GABRB2: variants seen among roughly 807,000 people sequenced by gnomAD.
GABRB2 encodes the protein gamma-aminobutyric acid receptor subunit beta-2.
Under a neutral mutation model 54.7 loss-of-function variants are expected in GABRB2, and 16 were observed. That is an observed-to-expected ratio of 0.29 (90% CI 0.20 to 0.44). The LOEUF (loss-of-function observed/expected upper bound fraction) is 0.44, where lower values mean the gene tolerates loss of function less well. GABRB2 is among the 20% of genes least tolerant of loss of function. The pLI, the probability that GABRB2 is intolerant of heterozygous loss-of-function variation, is 1.00. For missense variants in GABRB2, 355 were observed against 644.0 expected (o/e 0.55, Z 4.86); for synonymous variants, 244 against 233.8 (o/e 1.04, Z -0.40).
In GABRB2 at chr5:161,466,874, C is replaced by A. The variant is rs548483152; in HGVS notation, c.238-7030G>T. Among the ~76,000 whole-genome samples, 4 of 151,966 alleles carry A rather than the reference C, an allele frequency of 2.6e-5. No homozygotes were observed. The South Asian group carries it at 6.2e-4, about 24-fold the overall frequency. ...TTATCTATGGAGTTTTTCCTCTTTT[C>A]TTTTAAAGCATGGCTATGTATATGG... On this transcript the variant is annotated intron_variant, in intron 3 of 9. Coordinates refer to ENST00000393959, the MANE Select transcript of GABRB2 (RefSeq NM_001371727.1).
At chr5:161,548,060 T>A (rs1250758767), upstream of GABRB2, 1 of 152,862 alleles carries the variant, frequency 6.5e-6, no homozygotes, top group African/African-American at 2.4e-5. Context: ...GCCCCTCACC[T>A]CCGGAGGCAC....
At chr5:161,490,349 G>A (rs965067429) in intron 3 of GABRB2, among the ~76,000 whole-genome samples, 1 of 151,616 alleles carries the variant, frequency 6.6e-6, no homozygotes, top group Admixed American at 6.6e-5. Flanking sequence ...AGAATTCAGG[G>A]TTAGAGCCTG....
At chr5:161,539,218 T>C (rs1369636502) in intron 3 of GABRB2, among the ~76,000 whole-genome samples, 1 of 152,188 alleles carries the variant, frequency 6.6e-6, no homozygotes, top group Non-Finnish European at 1.5e-5. Flanking sequence ...AAATGCACTT[T>C]TCATCAAAGA....
intron 3 of GABRB2, among the ~76,000 whole-genome samples, chr5:161,477,360 A>G (rs1460521774): frequency 6.6e-6 from 1 of 151,542 alleles, no homozygotes; most frequent in African/African-American, 2.4e-5. Flanking sequence ...TGTTGGTAGG[A>G]AAGTAAAATG....
intron 9 of GABRB2, among the ~76,000 whole-genome samples, chr5:161,320,097 T>C (rs1758164604): frequency 6.6e-6 from 1 of 151,786 alleles, no homozygotes; most frequent in African/African-American, 2.4e-5. Flanking sequence ...TTATTTTACT[T>C]GTGGGTTATT....
At chr5:161,461,762 T>G (rs1758123745) in intron 3 of GABRB2, among the ~76,000 whole-genome samples, 1 of 152,180 alleles carries the variant, frequency 6.6e-6, no homozygotes, top group Non-Finnish European at 1.5e-5. Flanking sequence ...CATGTATTAA[T>G]TATCTCTGCA....
intron 4 of GABRB2, among the ~76,000 whole-genome samples, chr5:161,425,764 C>T (rs1028360067): frequency 1.3e-5 from 2 of 152,064 alleles, no homozygotes; most frequent in African/African-American, 4.8e-5. Flanking sequence ...TTAATATTGA[C>T]ATATGGTGTG....
intron 9 of GABRB2, among the ~76,000 whole-genome samples, chr5:161,307,032 G>C (rs1757709220): frequency 6.6e-6 from 1 of 152,152 alleles, no homozygotes; most frequent in Non-Finnish European, 1.5e-5. Context: ...ACTAGCGCAT[G>C]GTTGATGCTA....
intron 5 of GABRB2, among the ~76,000 whole-genome samples, chr5:161,363,413 G>T (rs1186430569): frequency 6.6e-6 from 1 of 152,092 alleles, no homozygotes; most frequent in Non-Finnish European, 1.5e-5. Flanking sequence ...AGCATTAGGA[G>T]AAATACCTAA....
At chr5:161,307,905 C>CT (rs1441738106) in intron 9 of GABRB2, among the ~76,000 whole-genome samples, 2 of 150,100 alleles carry the variant, frequency 1.3e-5, no homozygotes, top group Non-Finnish European at 2.9e-5. Flanking sequence ...GTTGCCCAGG[C>CT]TGGAGTGCAG....
At chr5:161,449,421 A>G (rs1374969106) in intron 4 of GABRB2, among the ~76,000 whole-genome samples, 1 of 152,038 alleles carries the variant, frequency 6.6e-6, no homozygotes, top group South Asian at 2.1e-4. Flanking sequence ...TCTAATTAAA[A>G]CTCTGCTTTA....
intron 4 of GABRB2, among the ~76,000 whole-genome samples, chr5:161,430,368 C>T (rs1410563975): frequency 5.9e-5 from 9 of 152,138 alleles, no homozygotes; most frequent in Non-Finnish European, 4.4e-5. Flanking sequence ...AATAATGTAG[C>T]AGATGAACAC....
intron 4 of GABRB2, among the ~76,000 whole-genome samples, chr5:161,436,692 T>C (rs1200465075): frequency 6.6e-6 from 1 of 152,116 alleles, no homozygotes; most frequent in East Asian, 1.9e-4. Context: ...AAGTGAGCAT[T>C]CGTAGTACCT....
chr5:161,332,056 C>T (rs1340393127), intron 7 of GABRB2, among the ~76,000 whole-genome samples: 1 of 150,142 alleles, frequency 6.7e-6, no homozygotes, highest in African/African-American at 2.5e-5. Flanking sequence ...GTCCCAGCTA[C>T]TCGGGAGGCT....
chr5:161,354,586 A>G (rs1754562814), intron 5 of GABRB2, among the ~76,000 whole-genome samples: 2 of 152,012 alleles, frequency 1.3e-5, no homozygotes, highest in Admixed American at 6.6e-5. Flanking sequence ...ACTGATATAG[A>G]TGCCTAATTG....
intron 5 of GABRB2, among the ~76,000 whole-genome samples, chr5:161,391,533 C>T (rs2113038322): frequency 6.6e-6 from 1 of 152,090 alleles, no homozygotes; most frequent in Admixed American, 6.6e-5. Flanking sequence ...AGGCTTTGTT[C>T]TATTTGAAAT....
At chr5:161,498,186 G>A (rs1759315815) in intron 3 of GABRB2, among the ~76,000 whole-genome samples, 1 of 152,076 alleles carries the variant, frequency 6.6e-6, no homozygotes, top group Non-Finnish European at 1.5e-5. Context: ...AGAGAAAGGG[G>A]ACTGACATGG....
chr5:161,304,017 G>A (rs1019610159), intron 9 of GABRB2, among the ~76,000 whole-genome samples: 1 of 152,136 alleles, frequency 6.6e-6, no homozygotes, highest in Non-Finnish European at 1.5e-5. Context: ...TTGGTACAAA[G>A]TAAGTATTCC....
At chr5:161,469,842 G>C (rs1758387590) in intron 3 of GABRB2, among the ~76,000 whole-genome samples, 1 of 151,912 alleles carries the variant, frequency 6.6e-6, no homozygotes, top group Non-Finnish European at 1.5e-5. Context: ...TGAAGTACAA[G>C]CTCCTTACAA....
Sources: allele counts gnomAD v4.1 joint callset (sites outside exome capture counted in the v4.1 genomes callset), GRCh38; gene constraint gnomAD v4.1.1; transcripts MANE v1.5; gene names NCBI Gene and HGNC (gene_info 2026-07-23, HGNC 2026-07-21).